The following NRXN3 variants were observed in gnomAD, a reference collection of about 807,000 sequenced individuals.
NRXN3 encodes the protein neurexin III.
In NRXN3, 32 loss-of-function variants were observed where a neutral mutation model predicts 137.6. That is an observed-to-expected ratio of 0.23 (90% CI 0.18 to 0.31). NRXN3 has a LOEUF of 0.31. Ranked by LOEUF, NRXN3 falls within the 10% of genes least tolerant of loss-of-function variation. NRXN3 has a pLI of 1.00. For missense variants in NRXN3, 1,574 were observed against 2,062.5 expected (o/e 0.76, Z 4.59); for synonymous variants, 798 against 784.5 (o/e 1.02, Z -0.29).
intron 2 of NRXN3, 50 bp from the exon 3 acceptor site, chr14:78,278,595 C>A (rs1430330431): frequency 1.4e-6 from 2 of 1,453,746 alleles, no homozygotes; most frequent in Non-Finnish European, 1.9e-6. Context: ...CCTTTTTCTC[C>A]CCTTTTCTCT....
intron 17 of NRXN3, 52 bp downstream of exon 17, chr14:79,664,001 C>T (rs752971438): frequency 6.4e-7 from 1 of 1,571,908 alleles, no homozygotes; most frequent in African/African-American, 1.4e-5. Flanking sequence ...CCCATTCTCA[C>T]TTTTCAGTGG....
chr14:79,294,143 A>G (rs897595181), intron 15 of NRXN3, among the ~76,000 whole-genome samples: 3 of 152,202 alleles, frequency 2.0e-5, no homozygotes, highest in African/African-American at 7.2e-5. Context: ...GCATGACACT[A>G]AAAGGAAGGA....
chr14:78,967,080 A>T, intron 12 of NRXN3, 128 bp from the exon 13 acceptor site: 1 of 729,012 alleles, frequency 1.4e-6, no homozygotes, highest in Non-Finnish European at 2.2e-6. Flanking sequence ...ATCAAGATTT[A>T]AATTATTCCT....
intron 15 of NRXN3, among the ~76,000 whole-genome samples, chr14:79,154,882 A>T (rs2060121587): frequency 6.6e-6 from 1 of 151,954 alleles, no homozygotes; most frequent in African/African-American, 2.4e-5. Context: ...TGTAAAACTG[A>T]ATCTTCATCC....
At chr14:79,768,259 G>A (rs528429440) in intron 19 of NRXN3, among the ~76,000 whole-genome samples, 72 of 152,346 alleles carry the variant, frequency 4.7e-4, no homozygotes, top group African/African-American at 1.7e-3. Flanking sequence ...CTCCAACTGG[G>A]TGGAGCCCAC....
intron 15 of NRXN3, among the ~76,000 whole-genome samples, chr14:79,099,886 G>A (rs1439971013): frequency 6.6e-6 from 1 of 152,172 alleles, no homozygotes; most frequent in African/African-American, 2.4e-5. Context: ...AACTTGCCAG[G>A]TTTTAGCTAT....
chr14:79,491,467 A>G (rs1274746786), intron 16 of NRXN3, among the ~76,000 whole-genome samples: 2 of 152,180 alleles, frequency 1.3e-5, no homozygotes, highest in Non-Finnish European at 2.9e-5. Flanking sequence ...CAAGAGAAAA[A>G]TCCAGGTACA....
chr14:78,579,294 C>T (rs2096967847), intron 4 of NRXN3, among the ~76,000 whole-genome samples: 1 of 152,126 alleles, frequency 6.6e-6, no homozygotes, highest in Non-Finnish European at 1.5e-5. Context: ...TCAGTTAGAG[C>T]CAGTTTAAAC....
intron 15 of NRXN3, among the ~76,000 whole-genome samples, chr14:79,278,361 C>T (rs2080648181): frequency 6.6e-6 from 1 of 152,172 alleles, no homozygotes; most frequent in African/African-American, 2.4e-5. Flanking sequence ...TGGATGCCGC[C>T]TAGTCCACAG....
chr14:78,710,317 T>A (rs1239818652), intron 7 of NRXN3, among the ~76,000 whole-genome samples: 1 of 124,048 alleles, frequency 8.1e-6, no homozygotes, highest in Non-Finnish European at 1.6e-5. Flanking sequence ...CAGCTGCAGA[T>A]CAAACAAGCT....
intron 16 of NRXN3, among the ~76,000 whole-genome samples, chr14:79,476,936 G>C (rs544819795): frequency 6.6e-6 from 1 of 152,104 alleles, no homozygotes; most frequent in South Asian, 2.1e-4. Flanking sequence ...AAGCATAGTG[G>C]TAATAATTTT....
chr14:78,959,636 G>C (rs1438159841), intron 11 of NRXN3, among the ~76,000 whole-genome samples: 3 of 152,116 alleles, frequency 2.0e-5, no homozygotes, highest in Non-Finnish European at 4.4e-5. Flanking sequence ...AGAAGCGGGA[G>C]GTGAAGTTCC....
intron 1 of NRXN3, among the ~76,000 whole-genome samples, chr14:78,237,147 G>T (rs974197743): frequency 9.8e-5 from 15 of 152,324 alleles, no homozygotes; most frequent in African/African-American, 3.6e-4. Flanking sequence ...TGATGGCAAA[G>T]GTGGGTAAGA....
intron 19 of NRXN3, among the ~76,000 whole-genome samples, chr14:79,745,114 G>C (rs1198023937): frequency 1.3e-5 from 2 of 151,834 alleles, no homozygotes; most frequent in Non-Finnish European, 2.9e-5. Context: ...TGCAGAACTA[G>C]GGGAGAAATT....
intron 12 of NRXN3, 41 bp downstream of exon 12, chr14:78,966,447 T>C: frequency 6.4e-7 from 1 of 1,574,240 alleles, no homozygotes; most frequent in South Asian, 1.2e-5. Flanking sequence ...ACACCTTTAA[T>C]CTACTGAAGC....
In NRXN3 at chr14:79,575,786, C is replaced by T. The variant is rs533337256; in HGVS notation, c.3445-87992C>T. Among the ~76,000 whole-genome samples the T allele has an allele frequency of 4.6e-5, 7 of 152,164 alleles. No individual in the cohort carries two copies. In the East Asian group the frequency reaches 5.8e-4, roughly 13 times the overall value. ...AGGTCAATTATTTTCATGCAGAAAT[C>T]GGGGAGGGTGCTCCTGTTTTTCATA... On this transcript the variant is annotated intron_variant, in intron 16 of 20. Transcript: ENST00000335750.
intron 4 of NRXN3, among the ~76,000 whole-genome samples, chr14:78,404,447 T>C (rs1346643904): frequency 6.6e-6 from 1 of 152,094 alleles, no homozygotes; most frequent in Admixed American, 6.5e-5. Context: ...GCACCAGATA[T>C]TGCCTGCAGC....
chr14:78,471,497 A>G (rs925493651), intron 4 of NRXN3, among the ~76,000 whole-genome samples: 1 of 152,202 alleles, frequency 6.6e-6, no homozygotes, highest in Non-Finnish European at 1.5e-5. Context: ...AAGGAAGGGA[A>G]GTCTCACTCA....
intron 15 of NRXN3, among the ~76,000 whole-genome samples, chr14:79,232,169 G>A (rs2072332744): frequency 6.6e-6 from 1 of 152,074 alleles, no homozygotes; most frequent in Non-Finnish European, 1.5e-5. Context: ...CTTTTGTCTG[G>A]CTGTGGCTGT....
Sources: allele counts gnomAD v4.1 joint callset (sites outside exome capture counted in the v4.1 genomes callset), GRCh38; gene constraint gnomAD v4.1.1; transcripts MANE v1.5; gene names NCBI Gene and HGNC (gene_info 2026-07-23, HGNC 2026-07-21).